SULT1A1: variants seen among roughly 807,000 people sequenced by gnomAD.
SULT1A1 encodes sulfotransferase family 1A member 1, also known as sulfotransferase 1A1.
A neutral mutation model predicts 36.8 loss-of-function variants in SULT1A1; 35 were observed. The ratio of observed to expected loss-of-function variants is 0.95; its 90% CI spans 0.73 to 1.26. SULT1A1 has a LOEUF of 1.26. SULT1A1 is among the 50% of genes most tolerant of loss of function. The probability of loss-of-function intolerance (pLI) is 0.00; values close to 1 mark genes in which losing one functional copy is unlikely to be tolerated. For missense variants in SULT1A1, 309 were observed against 383.0 expected (o/e 0.81, Z 1.61); for synonymous variants, 119 against 146.0 (o/e 0.82, Z 1.33).
chr16:28,620,477 T>C (rs2151724776), intron 1 of SULT1A1, among the ~76,000 whole-genome samples: 1 of 150,812 alleles, frequency 6.6e-6, no homozygotes, highest in Admixed American at 6.6e-5. Context: ...GGTGGGAGGA[T>C]TGCTTGAGCC....
At position 28,620,011 on chromosome 16, in the gene SULT1A1, G is replaced by GTGTGTGTA. The variant is rs866304604; in HGVS notation, c.138+51_138+52insTACACACA. The GTGTGTGTA allele has an allele frequency of 2.4e-5, 34 of 1,394,622 alleles. No individual in the cohort carries two copies. The South Asian group carries it at 2.9e-4, about 12-fold the overall frequency. 86.4% of individuals were successfully genotyped at this position (1,394,622 alleles called of 1,614,324 possible). ...TTGTATATTGTGTGTGTGTGTGTGTGTATATACACACACAAAAAGATACTG... is the reference window on the plus strand; with the variant it reads ...TTGTATATTGTGTGTGTGTGTGTGTGTGTGTGTATATATACACACACAAAAAGATACTG... On this transcript the variant is annotated intron_variant, in intron 2 of 5. Transcript: ENST00000350842.
chr16:28,605,535 T>C lies in SULT1A1; in HGVS notation c.*286A>G. ...GATCCTCTAGCCTCAACTTCTCAAA[T>C]TGCTGGGATTACAGGCATGAGCCAC... On this transcript the variant is annotated 3_prime_UTR_variant, in exon 8 of 8. Coordinates refer to ENST00000314752, the MANE Select transcript of SULT1A1 (RefSeq NM_001055.4). 1 of 526,216 alleles carries C rather than the reference T, an allele frequency of 1.9e-6. No individual in the cohort carries two copies. Among genetic ancestry groups the C allele is most frequent in the Non-Finnish European group, 3.4e-6 (1 of 298,086 alleles). The allele number at this position is 526,216 out of a possible 1,614,324, so 32.6% of individuals were successfully genotyped here.
chr16:28,623,112 T>TCCCCCCCCCGCCC, intron 1 of SULT1A1: 1 of 1,029,426 alleles, frequency 9.7e-7, no homozygotes. Context: ...CCCCCCAGGT[T>TCCCCCCCCCGCCC]CCCCCCCCGG....
At chr16:28,616,263 G>T (rs1346423605) in intron 2 of SULT1A1, among the ~76,000 whole-genome samples, 1 of 152,162 alleles carries the variant, frequency 6.6e-6, no homozygotes, top group Non-Finnish European at 1.5e-5. Context: ...AATGATTAAT[G>T]ATATTCATAT....
rs1205882479 is a variant in SULT1A1, at chr16:28,608,692, G to A, written c.148+16C>T. 13 of 1,612,152 alleles carry A rather than the reference G, an allele frequency of 8.1e-6. No individual in the cohort carries two copies. In the Admixed American group the frequency reaches 2.2e-4, roughly 27 times the overall value. Reference sequence around the variant, plus strand: ...GACTGCCACCTGGGAGAGGGTGGGTGGCCCTCCTCACTTACCGGACTTGGG... The same window carrying A: ...GACTGCCACCTGGGAGAGGGTGGGTAGCCCTCCTCACTTACCGGACTTGGG... On this transcript the variant is annotated intron_variant, in intron 2 of 7. Transcript: ENST00000314752.
chr16:28,620,881 C>T (rs1250760275), intron 1 of SULT1A1, among the ~76,000 whole-genome samples: 7 of 151,886 alleles, frequency 4.6e-5, no homozygotes, highest in East Asian at 1.9e-4. Context: ...GAAGTTGAGG[C>T]GAGCGGATCA....
chr16:28,621,718 T>C (rs375994562), intron 1 of SULT1A1, among the ~76,000 whole-genome samples: 1 of 152,026 alleles, frequency 6.6e-6, no homozygotes, highest in African/African-American at 2.4e-5. Context: ...TCCCCGGCTG[T>C]CTGTTCTCCT....
chr16:28,610,672 G>C (rs748810864), upstream of SULT1A1: 1 of 157,538 alleles, frequency 6.3e-6, no homozygotes, highest in Non-Finnish European at 1.4e-5. Context: ...GGCTCCTGGG[G>C]ACCTCAGAGA....
chr16:28,607,453 C>G, intron 4 of SULT1A1: 1 of 215,248 alleles, frequency 4.6e-6, no homozygotes, highest in East Asian at 1.0e-4. Context: ...AAGAGGCAGA[C>G]AGTCCCCGCC....
exon 1 of SULT1A1, chr16:28,623,297 C>T (rs1428377392): frequency 1.0e-5 from 16 of 1,537,418 alleles, no homozygotes; most frequent in Admixed American, 2.0e-5. Flanking sequence ...CCACGCGCCG[C>T]GTCTGGCGCC....
intron 1 of SULT1A1, among the ~76,000 whole-genome samples, chr16:28,621,338 C>T (rs149818533): frequency 2.0e-4 from 30 of 151,040 alleles, no homozygotes; most frequent in Admixed American, 4.0e-4. Context: ...AAAAATTAGC[C>T]GGGCATGGTG....
intron 1 of SULT1A1, 108 bp from the exon 2 acceptor site, chr16:28,608,967 A>T: frequency 6.3e-7 from 1 of 1,596,776 alleles, no homozygotes; most frequent in Non-Finnish European, 8.5e-7. Context: ...AGGCTGAGTG[A>T]CTTGCCCGCA....
intron 4 of SULT1A1, chr16:28,607,349 CCCA>C (rs2047244135): frequency 1.9e-6 from 1 of 532,062 alleles, no homozygotes; most frequent in Admixed American, 3.6e-5. Flanking sequence ...CAGCCGTGAT[CCCA>C]CCGCCACCAA....
chr16:28,617,430 C>T (rs913983364), intron 2 of SULT1A1, among the ~76,000 whole-genome samples: 2 of 152,222 alleles, frequency 1.3e-5, no homozygotes, highest in African/African-American at 4.8e-5. Context: ...ATTTATCTAT[C>T]TATCCCACTA....
rs1184633526 is a variant in SULT1A1 at position 28,609,289 on chromosome 16, G to A, written c.-4-430C>T. 5 of 1,262,336 alleles carry A rather than the reference G, an allele frequency of 4.0e-6. No homozygotes were observed. In the African/African-American group the frequency reaches 6.0e-5, roughly 15 times the overall value. The allele number at this position is 1,262,336 out of a possible 1,614,324, so 78.2% of individuals were successfully genotyped here. A position where few individuals can be genotyped will look rare whatever the true frequency, so the allele number is the denominator to read the frequency against. ...CCCCCAGCCTCCACCCAGTGGAGAT[G>A]CTCCCCTCCTTGAGCCCCTCAGCCC... On this transcript the variant is annotated intron_variant, in intron 1 of 7. Transcript: ENST00000314752.
intron 2 of SULT1A1, among the ~76,000 whole-genome samples, chr16:28,616,504 TC>T (rs1182370379): frequency 6.6e-6 from 1 of 152,086 alleles, no homozygotes; most frequent in African/African-American, 2.4e-5. Context: ...GTCTGGCTGG[TC>T]TCGAACTCCT....
intron 2 of SULT1A1, among the ~76,000 whole-genome samples, chr16:28,617,032 T>C (rs889022707): frequency 6.6e-6 from 1 of 152,146 alleles, no homozygotes; most frequent in Non-Finnish European, 1.5e-5. Context: ...ATTTTTTATT[T>C]TGAGACAGGG....
chr16:28,616,968 G>A (rs1596651371), intron 2 of SULT1A1, among the ~76,000 whole-genome samples: 2 of 152,090 alleles, frequency 1.3e-5, no homozygotes, highest in South Asian at 4.1e-4. Flanking sequence ...TCTGCCCCTG[G>A]AATGACCTGT....
chr16:28,619,902 T>C (rs544055412), intron 2 of SULT1A1, among the ~76,000 whole-genome samples: 1 of 151,896 alleles, frequency 6.6e-6, no homozygotes, highest in South Asian at 2.1e-4. Flanking sequence ...AGAAAGTATA[T>C]ATTTTTGTGG....
Sources: gnomAD v4.1 joint callset for allele counts (sites outside exome capture counted in the v4.1 genomes callset) on GRCh38, gnomAD v4.1.1 for gene constraint, MANE v1.5 for transcripts, NCBI Gene and HGNC (gene_info 2026-07-23, HGNC 2026-07-21) for gene names.